Variants in CNTN4 observed in about 807,000 individuals in gnomAD.
The protein encoded by CNTN4 is contactin-4.
In CNTN4, 77 loss-of-function variants were observed where a neutral mutation model predicts 122.5. That is an observed-to-expected ratio of 0.63 (90% CI 0.52 to 0.76). The LOEUF (loss-of-function observed/expected upper bound fraction) is 0.76. CNTN4 is among the 30% of genes least tolerant of loss of function. The probability of loss-of-function intolerance (pLI) is 0.00; values close to 1 mark genes in which losing one functional copy is unlikely to be tolerated. For synonymous variants in CNTN4, 512 were observed against 447.0 expected (o/e 1.15, Z -1.83); for missense variants, 1,256 against 1,259.1 (o/e 1.00, Z 0.04).
At chr3:2,938,625 C>T (rs1435391295) in intron 13 of CNTN4, among the ~76,000 whole-genome samples, 1 of 152,122 alleles carries the variant, frequency 6.6e-6, no homozygotes, top group African/African-American at 2.4e-5. Context: ...CTTTCGTTAC[C>T]TCCCTGGCAT....
At chr3:2,933,047 C>T (rs1342114917) in intron 13 of CNTN4, among the ~76,000 whole-genome samples, 1 of 152,098 alleles carries the variant, frequency 6.6e-6, no homozygotes, top group Non-Finnish European at 1.5e-5. Flanking sequence ...TGGTCTCGAT[C>T]TCCTGACCTC....
At chr3:2,608,663 A>T (rs1339317613) in intron 4 of CNTN4, among the ~76,000 whole-genome samples, 1 of 152,052 alleles carries the variant, frequency 6.6e-6, no homozygotes, top group African/African-American at 2.4e-5. Flanking sequence ...TTCTCTTTTT[A>T]GTAGACATGG....
At chr3:2,152,806 G>A (rs1242084066) in intron 2 of CNTN4, among the ~76,000 whole-genome samples, 3 of 152,076 alleles carry the variant, frequency 2.0e-5, no homozygotes, top group African/African-American at 7.2e-5. Context: ...ACAAAAGCAG[G>A]GTACGGAAAT....
chr3:2,504,531 G>A (rs1575789624), intron 3 of CNTN4, among the ~76,000 whole-genome samples: 1 of 152,114 alleles, frequency 6.6e-6, no homozygotes, highest in Non-Finnish European at 1.5e-5. Flanking sequence ...TCAATATACG[G>A]GTATTTTCTA....
intron 2 of CNTN4, chr3:2,143,988 T>C (rs2035127226): frequency 6.6e-6 from 1 of 152,214 alleles, no homozygotes; most frequent in Non-Finnish European, 1.5e-5. Flanking sequence ...AGAGGGGAAG[T>C]AAAGATTCTG....
intron 14 of CNTN4, among the ~76,000 whole-genome samples, chr3:3,001,287 G>T (rs927632158): frequency 6.6e-6 from 1 of 152,196 alleles, no homozygotes; most frequent in South Asian, 2.1e-4. Flanking sequence ...AGGAGTGGAG[G>T]ATCAACGCAA....
chr3:2,211,391 G>A (rs2038609413), intron 2 of CNTN4, among the ~76,000 whole-genome samples: 1 of 152,122 alleles, frequency 6.6e-6, no homozygotes, highest in Non-Finnish European at 1.5e-5. Flanking sequence ...GGCAGCATCT[G>A]TTGCTTTAGT....
rs139453273 is a variant in CNTN4, at chr3:2,699,433, T to G, written c.56-36782T>G. Among the ~76,000 whole-genome samples the G allele has an allele frequency of 2.3e-4, 35 of 152,328 alleles. No individual in the cohort carries two copies. The East Asian group carries it at 6.6e-3, about 29-fold the overall frequency. ...CATGTGCAACTTCATGAAAAAAATC[T>G]ACCTGACATTTTCAAATGCAACTCA... On this transcript the variant is annotated intron_variant, in intron 4 of 24. Transcript: ENST00000418658.
chr3:3,022,739 A>C (rs987563639), intron 14 of CNTN4, among the ~76,000 whole-genome samples: 1 of 152,084 alleles, frequency 6.6e-6, no homozygotes, highest in African/African-American at 2.4e-5. Flanking sequence ...TTTTTTTTTA[A>C]CTCTAGGAGA....
At chr3:2,400,404 AATATATATATATATATATATATAC>A (rs1169732204) in intron 3 of CNTN4, among the ~76,000 whole-genome samples, 4 of 91,436 alleles carry the variant, frequency 4.4e-5, no homozygotes, top group Admixed American at 3.8e-4. Flanking sequence ...TATGTGTGTG[AATATATATATATATATATATATAC>A]ATATATATAT....
At chr3:2,558,721 A>G (rs1169993732) in intron 3 of CNTN4, among the ~76,000 whole-genome samples, 3 of 152,114 alleles carry the variant, frequency 2.0e-5, no homozygotes, top group Non-Finnish European at 2.9e-5. Flanking sequence ...TACTCACTAT[A>G]CTCTTTTATG....
intron 2 of CNTN4, among the ~76,000 whole-genome samples, chr3:2,191,859 C>T (rs1455491006): frequency 1.3e-5 from 2 of 152,040 alleles, no homozygotes; most frequent in Non-Finnish European, 2.9e-5. Flanking sequence ...AGGTATATCT[C>T]CTAATGCTAT....
intron 2 of CNTN4, among the ~76,000 whole-genome samples, chr3:2,273,318 C>A: frequency 6.6e-6 from 1 of 152,050 alleles, no homozygotes; most frequent in East Asian, 1.9e-4. Flanking sequence ...CTCAGGATTC[C>A]CTTCAGTCCT....
At chr3:2,891,107 C>T (rs1428448216) in intron 10 of CNTN4, among the ~76,000 whole-genome samples, 2 of 152,034 alleles carry the variant, frequency 1.3e-5, no homozygotes, top group African/African-American at 2.4e-5. Context: ...AACCAAAATG[C>T]ACTATTAAGC....
intron 2 of CNTN4, among the ~76,000 whole-genome samples, chr3:2,140,646 G>A (rs2034946307): frequency 6.6e-6 from 1 of 152,168 alleles, no homozygotes; most frequent in East Asian, 1.9e-4. Flanking sequence ...GCATCACCTT[G>A]GGTATTAGGA....
At chr3:2,439,728 AG>A (rs1424882220) in intron 3 of CNTN4, among the ~76,000 whole-genome samples, 1 of 152,082 alleles carries the variant, frequency 6.6e-6, no homozygotes, top group African/African-American at 2.4e-5. Flanking sequence ...AAGGAGTGAA[AG>A]GAATTATGGA....
At chr3:2,221,528 A>T (rs1422935802) in intron 2 of CNTN4, among the ~76,000 whole-genome samples, 1 of 151,608 alleles carries the variant, frequency 6.6e-6, no homozygotes, top group East Asian at 1.9e-4. Flanking sequence ...AAGACAAGTG[A>T]CAAAAGGAAA....
At chr3:2,925,898 AAAAGAACAG>A in intron 13 of CNTN4, 119 bp downstream of exon 13, 1 of 838,642 alleles carries the variant, frequency 1.2e-6, no homozygotes, top group Non-Finnish European at 1.9e-6. Flanking sequence ...AAGTGTTAAA[AAAAGAACAG>A]AAGCTTTGGA....
At chr3:2,815,679 T>G (rs113261312) in intron 6 of CNTN4, among the ~76,000 whole-genome samples, 4,726 of 152,078 alleles carry the variant, frequency 0.031, 248 homozygotes, top group African/African-American at 0.1. Flanking sequence ...GTGTGGATAT[T>G]CCTTAAAGAA....
Sources: allele counts gnomAD v4.1 joint callset (sites outside exome capture counted in the v4.1 genomes callset), GRCh38; gene constraint gnomAD v4.1.1; transcripts MANE v1.5; gene names NCBI Gene and HGNC (gene_info 2026-07-23, HGNC 2026-07-21).